Variants in DGKB observed in about 807,000 individuals in gnomAD.
DGKB encodes 90 kDa diacylglycerol kinase.
Under a neutral mutation model 114.3 loss-of-function variants are expected in DGKB, and 67 were observed. The observed-to-expected ratio is 0.59, with a 90% CI of 0.48 to 0.72. The LOEUF (loss-of-function observed/expected upper bound fraction) is 0.72, where lower values mean the gene tolerates loss of function less well. Ranked by LOEUF, DGKB falls within the 30% of genes least tolerant of loss-of-function variation. The probability of loss-of-function intolerance (pLI) is 0.00; values close to 1 mark genes in which losing one functional copy is unlikely to be tolerated. For missense variants in DGKB, 907 were observed against 975.2 expected, an observed-to-expected ratio of 0.93 and a Z score of 0.93; for synonymous variants, 398 against 323.1, an observed-to-expected ratio of 1.23 and a Z score of -2.49.
At chr7:14,880,021 T>C (rs2191350) in intron 1 of DGKB, among the ~76,000 whole-genome samples, 2,230 of 152,270 alleles carry the variant, frequency 0.015, 56 homozygotes, top group African/African-American at 0.045. Flanking sequence ...TAAGAATCCT[T>C]ATGAGAATTC....
At chr7:14,252,522 G>C (rs116648914) in intron 23 of DGKB, among the ~76,000 whole-genome samples, 8 of 152,280 alleles carry the variant, frequency 5.3e-5, no homozygotes, top group African/African-American at 1.9e-4. Flanking sequence ...TCAGGGGCAG[G>C]CTGGATGTTA....
intron 1 of DGKB, among the ~76,000 whole-genome samples, chr7:14,968,536 G>T (rs1787293576): frequency 6.6e-6 from 1 of 151,976 alleles, no homozygotes; most frequent in Non-Finnish European, 1.5e-5. Context: ...ACTTTCCTGG[G>T]GTTCCTTTTT....
intron 19 of DGKB, among the ~76,000 whole-genome samples, chr7:14,577,772 TAC>T (rs1409522713): frequency 6.6e-6 from 1 of 152,200 alleles, no homozygotes; most frequent in Non-Finnish European, 1.5e-5. Context: ...CCTACATTCT[TAC>T]AGTGTCAACT....
At chr7:14,540,236 T>C (rs549084561) in intron 20 of DGKB, among the ~76,000 whole-genome samples, 2 of 152,106 alleles carry the variant, frequency 1.3e-5, no homozygotes, top group African/African-American at 4.8e-5. Flanking sequence ...TCAGCAAACA[T>C]GTGACATATT....
At chr7:14,291,371 A>G (rs1179084304) in intron 23 of DGKB, among the ~76,000 whole-genome samples, 1 of 152,148 alleles carries the variant, frequency 6.6e-6, no homozygotes, top group African/African-American at 2.4e-5. Flanking sequence ...TGCAAATTCA[A>G]GGGATTTCTT....
At chr7:14,766,612 G>A (rs1219570605) in intron 2 of DGKB, among the ~76,000 whole-genome samples, 2 of 151,852 alleles carry the variant, frequency 1.3e-5, no homozygotes, top group African/African-American at 4.8e-5. Context: ...AATTATTTAT[G>A]AGTGTGGAAC....
In DGKB at chr7:14,694,103, G is replaced by A; in HGVS notation, c.683C>T (p.Pro228Leu). 1 of 1,591,954 alleles carries A rather than the reference G, an allele frequency of 6.3e-7. No individual in the cohort carries two copies. The highest frequency in any genetic ancestry group is 8.6e-7 in the Non-Finnish European group (1 of 1,167,722). The change falls in exon 9 of 26, where the codon CCA becomes CTA. Residue 228 changes from proline to leucine, a missense_variant. Pro to Leu is a moderately conservative substitution (Grantham distance 98). This residue lies in a region of DGKB where 814 missense variants were observed against 856.6 expected (regional missense o/e 0.95). Coordinates refer to ENST00000402815, the MANE Select transcript of DGKB (RefSeq NM_001350709.2). The part of the protein sequence containing the change: ...EWIQGGMTTI[P>L]LLVLLGLENN... ...TTCTAAGCCCAGGAGCACAAGAAGT[G>A]GAATCGTTGTCATTCCTCCTTGAAT...
intron 23 of DGKB, among the ~76,000 whole-genome samples, chr7:14,219,949 C>A (rs1327493173): frequency 6.6e-6 from 1 of 151,584 alleles, no homozygotes; most frequent in East Asian, 1.9e-4. Flanking sequence ...TTTTTCTATA[C>A]AGTCATGTGT....
At chr7:14,435,137 A>G (rs1352218909) in intron 21 of DGKB, among the ~76,000 whole-genome samples, 1 of 152,064 alleles carries the variant, frequency 6.6e-6, no homozygotes, top group African/African-American at 2.4e-5. Context: ...CTGGATTTTT[A>G]TCTCTCAACC....
chr7:14,893,638 A>G (rs1196533730), intron 1 of DGKB, among the ~76,000 whole-genome samples: 1 of 151,308 alleles, frequency 6.6e-6, no homozygotes, highest in African/African-American at 2.4e-5. Context: ...TGTTCACTCT[A>G]GAATTACACT....
rs1038367305 is a variant in DGKB, at chr7:14,284,390, G to C, written c.2122+54125C>G. Among the ~76,000 whole-genome samples the C allele has an allele frequency of 8.5e-4, 122 of 144,298 alleles. 1 individual carries two copies. The highest frequency in any genetic ancestry group is 3.4e-3 in the African/African-American group (118 of 34,824). The allele number at this position is 144,298 out of a possible 152,430, so 94.7% of individuals were successfully genotyped here. A position where few individuals can be genotyped will look rare whatever the true frequency, so the allele number is the denominator to read the frequency against. ...GTGCTGGAGAGGATGTGGAGAAATA[G>C]GAACACTTTTACACTGTTGGTGGGA... On this transcript the variant is annotated intron_variant, in intron 23 of 25. Transcript: ENST00000402815.
chr7:14,863,763 G>C (rs2128184358), intron 1 of DGKB, among the ~76,000 whole-genome samples: 1 of 152,048 alleles, frequency 6.6e-6, no homozygotes, highest in Admixed American at 6.6e-5. Flanking sequence ...TTTGTGGTAA[G>C]AATGATTCTG....
intron 2 of DGKB, among the ~76,000 whole-genome samples, chr7:14,819,440 A>G (rs1310949710): frequency 2.6e-5 from 4 of 151,922 alleles, no homozygotes; most frequent in Admixed American, 6.6e-5. Context: ...ACAAAAAAAC[A>G]TTGGCCAGTC....
At chr7:14,849,830 G>T (rs1849111360) in intron 1 of DGKB, among the ~76,000 whole-genome samples, 1 of 152,056 alleles carries the variant, frequency 6.6e-6, no homozygotes, top group Admixed American at 6.6e-5. Context: ...ATCTCAAGAG[G>T]CACAGAGCCT....
chr7:14,505,481 T>G (rs976695410), intron 20 of DGKB, among the ~76,000 whole-genome samples: 13 of 149,362 alleles, frequency 8.7e-5, no homozygotes, highest in African/African-American at 2.5e-5. Context: ...AAAGAAAAAA[T>G]AAATTCAAAC....
At chr7:14,158,050 A>C (rs1268320628) in intron 25 of DGKB, among the ~76,000 whole-genome samples, 1 of 152,206 alleles carries the variant, frequency 6.6e-6, no homozygotes, top group African/African-American at 2.4e-5. Flanking sequence ...GCAGCTATAA[A>C]ACCCTGACCA....
At position 14,753,265 on chromosome 7, in the gene DGKB, T is replaced by C. The variant is rs116696901; in HGVS notation, c.168+663A>G. On this transcript the variant is annotated intron_variant, in intron 4 of 25. Transcript: ENST00000402815. ...CATACATTTTAGCAAGAAATATTTC[T>C]ACAGTGGCGAAGACAATTGATATAG... is the stretch of plus-strand genomic sequence containing the variant. Among the ~76,000 whole-genome samples, 1,308 of 152,326 alleles carry C rather than the reference T, an allele frequency of 8.6e-3. 17 individuals carry two copies. The highest frequency in any genetic ancestry group is 0.029 in the African/African-American group (1,224 of 41,580).
chr7:14,862,791 A>G (rs1026382088), intron 1 of DGKB, among the ~76,000 whole-genome samples: 14 of 152,272 alleles, frequency 9.2e-5, no homozygotes, highest in African/African-American at 3.1e-4. Flanking sequence ...GTTTTTTAAC[A>G]TATAATGCAA....
intron 2 of DGKB, among the ~76,000 whole-genome samples, chr7:14,773,378 A>G (rs1837696217): frequency 6.6e-6 from 1 of 152,132 alleles, no homozygotes; most frequent in Non-Finnish European, 1.5e-5. Context: ...AAAAAAATCA[A>G]TGTTTAACAT....
Sources: gnomAD v4.1 joint callset for allele counts (sites outside exome capture counted in the v4.1 genomes callset) on GRCh38, gnomAD v4.1.1 for gene constraint, gnomAD v4.1.1 regional missense constraint, MANE v1.5 for transcripts, NCBI Gene and HGNC (gene_info 2026-07-23, HGNC 2026-07-21) for gene names.